MAPK6: variants seen among roughly 807,000 people sequenced by gnomAD.
The protein encoded by MAPK6 is mitogen-activated protein kinase 6.
Under a neutral mutation model 59.3 loss-of-function variants are expected in MAPK6, and 19 were observed. That is an observed-to-expected ratio of 0.32 (90% CI 0.22 to 0.47). The LOEUF (loss-of-function observed/expected upper bound fraction) is 0.47, where lower values mean the gene tolerates loss of function less well. MAPK6 is among the 20% of genes least tolerant of loss of function. MAPK6 has a pLI of 1.00. For missense variants in MAPK6, 724 were observed against 847.9 expected, an observed-to-expected ratio of 0.85 and a Z score of 1.81; for synonymous variants, 316 against 290.3, an observed-to-expected ratio of 1.09 and a Z score of -0.90.
Position 52,060,331 on chromosome 15 carries a change from G to A in MAPK6, c.866-968G>A, listed in dbSNP as rs116134058. On this transcript the variant is annotated intron_variant, in intron 4 of 5. Coordinates refer to ENST00000261845, the MANE Select transcript of MAPK6 (RefSeq NM_002748.4). Reference sequence around the variant, plus strand: ...GCCATCTTTCTCACTTAGAAGGCAAGGATAAGAGGATGTGTGAGTGACCAT... The same window carrying A: ...GCCATCTTTCTCACTTAGAAGGCAAAGATAAGAGGATGTGTGAGTGACCAT... Among the ~76,000 whole-genome samples, 386 of 152,302 alleles carry A rather than the reference G, an allele frequency of 2.5e-3. 4 individuals are homozygous for A. The highest frequency in any genetic ancestry group is 9.0e-3 in the African/African-American group (375 of 41,548).
At chr15:51,992,305 A>ATTTTTTTTT (rs61396800) in intron 2 of MAPK6, among the ~76,000 whole-genome samples, 2 of 101,422 alleles carry the variant, frequency 2.0e-5, no homozygotes, top group African/African-American at 3.7e-5. Flanking sequence ...ATATATATAT[A>ATTTTTTTTT]TTTTTTTTTT....
chr15:52,015,571 G>A (rs1179793225), upstream of MAPK6, among the ~76,000 whole-genome samples: 1 of 150,288 alleles, frequency 6.7e-6, no homozygotes, highest in African/African-American at 2.4e-5. Context: ...TCCGCCTCCC[G>A]GGTTCAAGCA....
intron 2 of MAPK6, among the ~76,000 whole-genome samples, chr15:51,989,252 G>T (rs957606374): frequency 6.6e-6 from 1 of 151,580 alleles, no homozygotes; most frequent in Admixed American, 6.6e-5. Flanking sequence ...GCTAATTTTT[G>T]TATTTTTGTA....
At chr15:52,048,968 T>A (rs563878197) in intron 2 of MAPK6, among the ~76,000 whole-genome samples, 1 of 152,318 alleles carries the variant, frequency 6.6e-6, no homozygotes, top group South Asian at 2.1e-4. Context: ...ATAAGACTTA[T>A]ACTATATAAA....
chr15:52,004,736 C>T (rs188202930), intron 3 of MAPK6, among the ~76,000 whole-genome samples: 2 of 152,258 alleles, frequency 1.3e-5, no homozygotes, highest in Non-Finnish European at 2.9e-5. Flanking sequence ...AAGCTTCCAG[C>T]TTTATTATAA....
chr15:52,009,377 C>G (rs937664014), intron 3 of MAPK6, among the ~76,000 whole-genome samples: 2 of 152,186 alleles, frequency 1.3e-5, no homozygotes. Flanking sequence ...CTGTTCTCTT[C>G]AAGGTATTGG....
chr15:51,981,645 A>C (rs2057173855), intron 1 of MAPK6, among the ~76,000 whole-genome samples: 1 of 152,142 alleles, frequency 6.6e-6, no homozygotes, highest in Non-Finnish European at 1.5e-5. Flanking sequence ...GAATAGATAG[A>C]CTTTAGACTC....
intron 2 of MAPK6, among the ~76,000 whole-genome samples, chr15:52,047,821 A>T (rs540397163): frequency 2.6e-5 from 4 of 152,060 alleles, no homozygotes; most frequent in East Asian, 3.9e-4. Flanking sequence ...AGCCTGTACT[A>T]TTCAGTTCTG....
At chr15:52,034,240 C>G (rs1302572566) in intron 1 of MAPK6, among the ~76,000 whole-genome samples, 5 of 152,196 alleles carry the variant, frequency 3.3e-5, no homozygotes. Flanking sequence ...CCGCCTCAGC[C>G]TCCCAAAGTG....
At chr15:52,042,725 C>A (rs987123071) in intron 1 of MAPK6, 1 of 152,166 alleles carries the variant, frequency 6.6e-6, no homozygotes, top group Non-Finnish European at 1.5e-5. Flanking sequence ...ACTTGGAGAT[C>A]TTACTGTTCT....
chr15:52,017,531 G>T, upstream of MAPK6: 1 of 152,602 alleles, frequency 6.6e-6, no homozygotes, highest in South Asian at 2.0e-4. Flanking sequence ...CAGGTCATCT[G>T]GATGTATATG....
At chr15:52,047,719 C>T (rs2031639969) in intron 2 of MAPK6, among the ~76,000 whole-genome samples, 1 of 150,594 alleles carries the variant, frequency 6.6e-6, no homozygotes, top group Non-Finnish European at 1.5e-5. Flanking sequence ...AACTTCTGGG[C>T]TCAAGTGATC....
At chr15:52,015,305 C>G (rs2141836381), upstream of MAPK6, among the ~76,000 whole-genome samples, 1 of 151,644 alleles carries the variant, frequency 6.6e-6, no homozygotes, top group African/African-American at 2.4e-5. Flanking sequence ...CCAGCCTACA[C>G]CTGACTAATT....
At chr15:52,006,725 A>C (rs2057260050) in intron 3 of MAPK6, among the ~76,000 whole-genome samples, 1 of 152,142 alleles carries the variant, frequency 6.6e-6, no homozygotes, top group African/African-American at 2.4e-5. Flanking sequence ...TCAAGCAGCA[A>C]ATCTGAAGAA....
At position 51,985,471 on chromosome 15, in the gene MAPK6, A is replaced by T. The variant is rs572706484; in HGVS notation, c.-770+2156A>T. Among the ~76,000 whole-genome samples, 9 of 148,694 alleles carry T rather than the reference A, an allele frequency of 6.1e-5. 1 individual carries two copies. In the South Asian group the frequency reaches 1.9e-3, roughly 32 times the overall value. ...GAAGTTTGAGACCAGCCTGACCAAC[A>T]TGGCGAAACCCCATATCTACTAAAA... On this transcript the variant is annotated intron_variant, in intron 2 of 7. Transcript: ENST00000691380.
intron 4 of MAPK6, among the ~76,000 whole-genome samples, chr15:52,061,078 G>A (rs1489673572): frequency 6.6e-6 from 1 of 152,144 alleles, no homozygotes; most frequent in Non-Finnish European, 1.5e-5. Flanking sequence ...AATCAGGTAA[G>A]TTTTATTTCT....
intron 1 of MAPK6, among the ~76,000 whole-genome samples, chr15:52,043,241 A>G (rs1157025221): frequency 6.6e-6 from 1 of 152,196 alleles, no homozygotes; most frequent in African/African-American, 2.4e-5. Context: ...TGCAGTATTA[A>G]AGCCCTTTTT....
chr15:51,972,009 G>C (rs1226856144), intron 1 of MAPK6, among the ~76,000 whole-genome samples: 2 of 152,044 alleles, frequency 1.3e-5, no homozygotes, highest in Non-Finnish European at 2.9e-5. Flanking sequence ...GGGTGTGGAT[G>C]GGGTGGGCGG....
intron 3 of MAPK6, 29 bp from the exon 4 acceptor site, chr15:52,058,602 ATG>A (rs1373060589): frequency 1.9e-6 from 3 of 1,547,170 alleles, no homozygotes; most frequent in African/African-American, 1.4e-5. Flanking sequence ...ACATTGAGGA[ATG>A]TGTTTTTTTG....
Sources: gnomAD v4.1 joint callset for allele counts (sites outside exome capture counted in the v4.1 genomes callset) on GRCh38, gnomAD v4.1.1 for gene constraint, MANE v1.5 for transcripts, NCBI Gene and HGNC (gene_info 2026-07-23, HGNC 2026-07-21) for gene names.